Variants in RGS22 observed in about 807,000 individuals in gnomAD.
RGS22 encodes the protein regulator of G protein signaling 22.
RGS22 carries 148 observed loss-of-function variants against 172.9 expected under a neutral mutation model. The observed-to-expected ratio is 0.86, with a 90% CI of 0.75 to 0.98. The LOEUF (loss-of-function observed/expected upper bound fraction) is 0.98, where lower values mean the gene tolerates loss of function less well. Ranked by LOEUF, RGS22 falls within the 50% of genes least tolerant of loss-of-function variation. The pLI is 0.00. For missense variants in RGS22, 1,347 were observed against 1,440.8 expected (o/e 0.93, Z 1.05); for synonymous variants, 458 against 480.2 (o/e 0.95, Z 0.60).
intron 19 of RGS22, among the ~76,000 whole-genome samples, chr8:99,998,647 A>T (rs1362304406): frequency 1.3e-5 from 2 of 151,978 alleles, no homozygotes; most frequent in Non-Finnish European, 2.9e-5. Flanking sequence ...TTTAAAAAAA[A>T]ATTATTATTA....
At chr8:99,972,197 A>G (rs1426084369) in intron 23 of RGS22, among the ~76,000 whole-genome samples, 1 of 152,212 alleles carries the variant, frequency 6.6e-6, no homozygotes, top group East Asian at 1.9e-4. Context: ...GGCTAGCCAT[A>G]TGCAGAAAAC....
intron 11 of RGS22, among the ~76,000 whole-genome samples, chr8:100,043,161 C>G (rs767618520): frequency 4.6e-5 from 7 of 152,188 alleles, no homozygotes; most frequent in Non-Finnish European, 8.8e-5. Flanking sequence ...TAAGCCATTG[C>G]TAGTTAGGTT....
In RGS22 at chr8:99,983,166, C is replaced by T. The variant is rs1208356801; in HGVS notation, c.3181-1050G>A. Among the ~76,000 whole-genome samples the T allele has an allele frequency of 7.2e-5, 11 of 152,246 alleles. No individual in the cohort carries two copies. The East Asian group carries it at 1.5e-3, about 21-fold the overall frequency. ...TTTTTTATGGCTATGTAGTCTTCCA[C>T]GGTGTATATGTACCACATTTTCTTT... On this transcript the variant is annotated intron_variant, in intron 21 of 27. Transcript: ENST00000360863.
chr8:100,071,431 G>A lies in RGS22; in HGVS notation c.532C>T (p.Pro178Ser). ...WIVKKPPSLPPPATEEDNLVI... is the reference protein window; with the variant it reads ...WIVKKPPSLPSPATEEDNLVI... Reference sequence around the variant, plus strand: ...AGATTATCTTCTTCAGTGGCAGGAGGTGGTAGACTGGGTGGTTTTTTCACG... The same window carrying A: ...AGATTATCTTCTTCAGTGGCAGGAGATGGTAGACTGGGTGGTTTTTTCACG... The change falls in exon 6 of 28, where the codon CCT becomes TCT. Residue 178 changes from proline (P) to serine (S), a missense_variant. Transcript: ENST00000360863. The A allele has an allele frequency of 6.2e-7, 1 of 1,613,442 alleles. No homozygotes were observed. The highest frequency in any genetic ancestry group is 8.5e-7 in the Non-Finnish European group (1 of 1,179,578).
In RGS22 at chr8:99,963,130, T is replaced by C. The variant is rs192524675; in HGVS notation, c.3616-152A>G. The C allele has an allele frequency of 4.3e-4, 265 of 611,326 alleles. 1 individual carries two copies. In the East Asian group the frequency reaches 8.1e-3, roughly 19 times the overall value. 37.9% of individuals were successfully genotyped at this position (611,326 alleles called of 1,614,324 possible). ...TGCACATCACAAGTTTATAATGATA[T>C]GAATTTTTACCAACTGAATGTACCC... On this transcript the variant is annotated intron_variant, in intron 24 of 27. Coordinates refer to ENST00000360863, the MANE Select transcript of RGS22 (RefSeq NM_015668.5).
rs571835633 is a variant in RGS22 at position 100,099,264 on chromosome 8, T to C, written c.55-5755A>G. Among the ~76,000 whole-genome samples the C allele has an allele frequency of 5.8e-4, 89 of 152,284 alleles. 1 individual carries two copies. Among genetic ancestry groups the C allele is most frequent in the South Asian group, 5.4e-3 (26 of 4,828 alleles). On this transcript the variant is annotated intron_variant, in intron 2 of 27. Transcript: ENST00000360863. ...TTATCCAATCCAATACTTCGAATTA[T>C]ACCTACTAGGCTTAAGACAATCCAT...
At chr8:99,973,483 G>C (rs542238308) in intron 23 of RGS22, among the ~76,000 whole-genome samples, 1 of 152,220 alleles carries the variant, frequency 6.6e-6, no homozygotes, top group East Asian at 1.9e-4. Flanking sequence ...ATGGACACAG[G>C]GAGGGGAACA....
At chr8:100,058,055 G>A (rs1809786206) in intron 9 of RGS22, among the ~76,000 whole-genome samples, 1 of 151,998 alleles carries the variant, frequency 6.6e-6, no homozygotes, top group African/African-American at 2.4e-5. Context: ...CAATTCTGGA[G>A]CTGAAAAATG....
At chr8:100,089,917 T>C (rs555839761) in intron 3 of RGS22, among the ~76,000 whole-genome samples, 1 of 152,234 alleles carries the variant, frequency 6.6e-6, no homozygotes, top group South Asian at 2.1e-4. Context: ...GGACCATTAT[T>C]TACTAGATGC....
In RGS22 at chr8:100,105,533, A is replaced by G. The variant is rs909282561; in HGVS notation, c.26-131T>C. 10 of 772,350 alleles carry G rather than the reference A, an allele frequency of 1.3e-5. No homozygotes were observed. In the African/African-American group the frequency reaches 1.8e-4, roughly 14 times the overall value. The allele number at this position is 772,350 out of a possible 1,614,324, so 47.8% of individuals were successfully genotyped here. ...GTAGCACATTTCTGGCCCTCTGTTC[A>G]TTCTCTGTACATGGCTTGCATTTTA... is the stretch of plus-strand genomic sequence containing the variant. On this transcript the variant is annotated intron_variant, in intron 1 of 27. Transcript: ENST00000360863.
intron 10 of RGS22, among the ~76,000 whole-genome samples, chr8:100,050,191 G>A (rs1277905855): frequency 1.3e-5 from 2 of 152,116 alleles, no homozygotes; most frequent in African/African-American, 4.8e-5. Flanking sequence ...ATGCTATAAA[G>A]CTTGAGAACC....
chr8:99,989,146 G>A (rs1463005635), intron 20 of RGS22, among the ~76,000 whole-genome samples: 1 of 151,782 alleles, frequency 6.6e-6, no homozygotes, highest in Admixed American at 6.6e-5. Context: ...ATACACAAAA[G>A]AGCATATTAA....
At chr8:100,033,535 C>T (rs544879676) in intron 14 of RGS22, among the ~76,000 whole-genome samples, 7 of 130,624 alleles carry the variant, frequency 5.4e-5, no homozygotes, top group Admixed American at 3.4e-4. Context: ...AATAGCCTAC[C>T]AACCAAAAAA....
At chr8:99,963,853 A>C (rs1413926695) in intron 24 of RGS22, among the ~76,000 whole-genome samples, 1 of 152,198 alleles carries the variant, frequency 6.6e-6, no homozygotes, top group Non-Finnish European at 1.5e-5. Context: ...ACTGAGGAAC[A>C]ACTGTATAGG....
chr8:100,007,582 C>A (rs535132511), intron 15 of RGS22, among the ~76,000 whole-genome samples: 2 of 152,046 alleles, frequency 1.3e-5, no homozygotes, highest in African/African-American at 4.8e-5. Context: ...GTAATATTAA[C>A]TGAAACTCAT....
chr8:100,025,335 C>T (rs1818065921), intron 14 of RGS22, among the ~76,000 whole-genome samples: 1 of 152,176 alleles, frequency 6.6e-6, no homozygotes, highest in East Asian at 1.9e-4. Context: ...AATAATGTAA[C>T]AAAGCCTGAA....
rs778314918 is a variant in RGS22 at position 100,039,990 on chromosome 8, G to A, written c.2036C>T (p.Thr679Ile). Reference sequence around the variant, plus strand: ...GTTCCCTGAATGCTCGCAGAATTTAGTAAAGAAGAATCCAGCTCTATTTTC... The same window carrying A: ...GTTCCCTGAATGCTCGCAGAATTTAATAAAGAAGAATCCAGCTCTATTTTC... ...YVENRAGFFF[T>I]KFCEHSGNKL... is the part of the protein sequence containing the mutation. The change falls in exon 13 of 28, where the codon ACT becomes ATT. Residue 679 changes from threonine to isoleucine, a missense_variant. Thr to Ile is a moderately conservative substitution (Grantham distance 89, BLOSUM62 -1). Coordinates refer to ENST00000360863, the MANE Select transcript of RGS22 (RefSeq NM_015668.5). 1 of 1,589,530 alleles carries A rather than the reference G, an allele frequency of 6.3e-7. No individual in the cohort carries two copies. The highest frequency in any genetic ancestry group is 8.6e-7 in the Non-Finnish European group (1 of 1,168,272).
At chr8:100,100,073 T>C (rs890694394) in intron 2 of RGS22, among the ~76,000 whole-genome samples, 2 of 152,170 alleles carry the variant, frequency 1.3e-5, no homozygotes, top group African/African-American at 4.8e-5. Context: ...AGTTGTCCCT[T>C]GGTATCCACA....
Position 100,002,347 on chromosome 8 carries a change from C to T in RGS22, c.2645G>A (p.Trp882Ter), listed in dbSNP as rs201965368. The T allele has an allele frequency of 1.9e-6, 3 of 1,606,598 alleles. No homozygotes were observed. The highest frequency in any genetic ancestry group is 2.7e-5 in the African/African-American group (2 of 74,526). The stretch of plus-strand genomic sequence containing the variant: ...TCTCCGGAACTGCTCAATGTCTGTC[C>T]AGCACATAAGATCCATGCTAAAATG... ...THSSSMDLMC[W>*]TDIEQFRRIT... Residue 882 changes from tryptophan to a stop codon, truncating the protein, a stop_gained, in exon 18 of 28, where the codon TGG becomes TAG. Transcript: ENST00000360863. LOFTEE classifies it high-confidence loss of function.
Sources: allele counts gnomAD v4.1 joint callset (sites outside exome capture counted in the v4.1 genomes callset), GRCh38; gene constraint gnomAD v4.1.1; transcripts MANE v1.5; gene names NCBI Gene and HGNC (gene_info 2026-07-23, HGNC 2026-07-21).